Variants in SYNPR observed in about 807,000 individuals in gnomAD.
SYNPR encodes synaptoporin.
SYNPR carries 23 observed loss-of-function variants against 32.9 expected under a neutral mutation model. The observed-to-expected ratio is 0.70, with a 90% CI of 0.50 to 0.99. The LOEUF (loss-of-function observed/expected upper bound fraction) is 0.99. SYNPR is among the 50% of genes least tolerant of loss of function. The pLI is 0.00. For missense variants in SYNPR, 318 were observed against 349.3 expected (o/e 0.91, Z 0.71); for synonymous variants, 146 against 135.9 (o/e 1.07, Z -0.52).
chr3:63,348,807 T>G (rs1286204506), intron 2 of SYNPR, among the ~76,000 whole-genome samples: 2 of 152,206 alleles, frequency 1.3e-5, no homozygotes, highest in African/African-American at 4.8e-5. Context: ...AGTATGTCTT[T>G]TTTGTGACTT....
At chr3:63,506,700 C>T (rs1358953816) in intron 3 of SYNPR, among the ~76,000 whole-genome samples, 2 of 152,150 alleles carry the variant, frequency 1.3e-5, no homozygotes, top group Admixed American at 6.5e-5. Flanking sequence ...ATTAGTTTTT[C>T]ATATGGCATA....
chr3:63,445,797 C>T (rs73849134), intron 2 of SYNPR, among the ~76,000 whole-genome samples: 75 of 152,270 alleles, frequency 4.9e-4, no homozygotes, highest in African/African-American at 1.8e-3. Flanking sequence ...CTCTTCCTAC[C>T]TCCCATCTGT....
chr3:63,282,486 G>A (rs2086639150), intron 2 of SYNPR, among the ~76,000 whole-genome samples: 1 of 152,056 alleles, frequency 6.6e-6, no homozygotes, highest in Admixed American at 6.5e-5. Flanking sequence ...TCCGTACTAT[G>A]ATCAAATAAA....
intron 2 of SYNPR, among the ~76,000 whole-genome samples, chr3:63,401,189 C>G (rs2088285430): frequency 6.6e-6 from 1 of 152,060 alleles, no homozygotes; most frequent in Non-Finnish European, 1.5e-5. Context: ...AGAAGGAAGT[C>G]TGCAGGCAGA....
chr3:63,605,842 T>A (rs1466169275), intron 4 of SYNPR, among the ~76,000 whole-genome samples: 2 of 152,256 alleles, frequency 1.3e-5, no homozygotes, highest in African/African-American at 4.8e-5. Flanking sequence ...TTGGTGAGTC[T>A]GAGCAGCAGA....
At chr3:63,295,030 C>A (rs1400546925) in intron 2 of SYNPR, among the ~76,000 whole-genome samples, 1 of 152,240 alleles carries the variant, frequency 6.6e-6, no homozygotes, top group East Asian at 1.9e-4. Context: ...GCATATCTGA[C>A]TTTTAGACTA....
At chr3:63,501,543 GA>G (rs1239216279) in intron 3 of SYNPR, among the ~76,000 whole-genome samples, 1 of 139,024 alleles carries the variant, frequency 7.2e-6, no homozygotes, top group East Asian at 2.1e-4. Context: ...TAATAGAATA[GA>G]AAAGAAAAGA....
intron 3 of SYNPR, among the ~76,000 whole-genome samples, chr3:63,555,038 G>T (rs1020307740): frequency 6.6e-6 from 1 of 151,976 alleles, no homozygotes; most frequent in Admixed American, 6.6e-5. Flanking sequence ...GTATAGAAAT[G>T]CTACTGATTT....
Position 63,353,111 on chromosome 3 carries a change from CA to C in SYNPR, c.84+74370del, listed in dbSNP as rs746976301. 3.1e-3 allele frequency among the ~76,000 whole-genome samples: 475 copies of C among 152,270 alleles called. 1 individual carries two copies. The highest frequency in any genetic ancestry group is 0.011 in the African/African-American group (446 of 41,550). On this transcript the variant is annotated intron_variant, in intron 2 of 5. Transcript: ENST00000478300. ...TGCAATCTGGAGAGCAACTCCATTC[CA>C]GGTTCTTTGTCTCTCAGTACAGACT...
chr3:63,437,244 C>CT (rs1488285805), intron 2 of SYNPR, among the ~76,000 whole-genome samples: 11 of 152,158 alleles, frequency 7.2e-5, no homozygotes, highest in Admixed American at 7.2e-4. Context: ...AGTATTATCT[C>CT]TATCAAACAA....
chr3:63,412,737 G>A (rs2088483593), intron 2 of SYNPR, among the ~76,000 whole-genome samples: 1 of 152,122 alleles, frequency 6.6e-6, no homozygotes, highest in Non-Finnish European at 1.5e-5. Context: ...TGGAAACTGA[G>A]CAGTATTAAA....
At chr3:63,469,650 T>A (rs926366459) in intron 2 of SYNPR, among the ~76,000 whole-genome samples, 5 of 152,342 alleles carry the variant, frequency 3.3e-5, no homozygotes, top group Admixed American at 2.6e-4. Flanking sequence ...TTGATTCCTT[T>A]AAAGGTAATT....
chr3:63,492,550 C>G (rs1205447253), intron 3 of SYNPR, among the ~76,000 whole-genome samples: 1 of 152,166 alleles, frequency 6.6e-6, no homozygotes, highest in African/African-American at 2.4e-5. Flanking sequence ...AAGATCTGAA[C>G]AGTCTTTTAA....
chr3:63,296,088 C>T (rs1393141372), intron 2 of SYNPR, among the ~76,000 whole-genome samples: 1 of 152,122 alleles, frequency 6.6e-6, no homozygotes, highest in Non-Finnish European at 1.5e-5. Flanking sequence ...ATGGGGCCAT[C>T]ATATGAGGCA....
intron 2 of SYNPR, among the ~76,000 whole-genome samples, chr3:63,264,353 C>T (rs1427904106): frequency 4.6e-5 from 7 of 151,646 alleles, no homozygotes; most frequent in African/African-American, 7.3e-5. Flanking sequence ...TGAATTTAAG[C>T]GAAACAATAA....
chr3:63,380,170 C>T (rs559379700), intron 2 of SYNPR, among the ~76,000 whole-genome samples: 2 of 152,216 alleles, frequency 1.3e-5, no homozygotes, highest in Admixed American at 1.3e-4. Context: ...GTCTTTATAG[C>T]AGCATGATTT....
Position 63,237,949 on chromosome 3 carries a change from G to A in SYNPR, n.66+9569G>A, listed in dbSNP as rs182913476. Among the ~76,000 whole-genome samples, 281 of 152,158 alleles carry A rather than the reference G, an allele frequency of 1.8e-3. 2 individuals are homozygous for A. Among genetic ancestry groups the A allele is most frequent in the Admixed American group, 0.016 (241 of 15,270 alleles). On this transcript the variant is annotated intron_variant and non_coding_transcript_variant, in intron 1 of 4. Transcript: ENST00000478456. Reference sequence around the variant, plus strand: ...TGCTCCCAGATGCTAATATTTGGTAGAATTCTCAATTGCTCCTCCCCACCT... The same window carrying A: ...TGCTCCCAGATGCTAATATTTGGTAAAATTCTCAATTGCTCCTCCCCACCT...
chr3:63,221,191 G>A, the SYNPR span, among the ~76,000 whole-genome samples: 1 of 151,990 alleles, frequency 6.6e-6, no homozygotes, highest in Non-Finnish European at 1.5e-5. Flanking sequence ...TCTAAGTGGA[G>A]GGTTGAACTT....
intron 3 of SYNPR, among the ~76,000 whole-genome samples, chr3:63,542,772 G>A (rs1199917851): frequency 1.3e-5 from 2 of 152,050 alleles, no homozygotes; most frequent in Admixed American, 1.3e-4. Flanking sequence ...TTAGTGTGAT[G>A]ACTTGCATAT....
Sources: gnomAD v4.1 joint callset for allele counts (sites outside exome capture counted in the v4.1 genomes callset) on GRCh38, gnomAD v4.1.1 for gene constraint, MANE v1.5 for transcripts, NCBI Gene and HGNC (gene_info 2026-07-23, HGNC 2026-07-21) for gene names.